GPR173: variants seen among roughly 807,000 people sequenced by gnomAD.
The protein encoded by GPR173 is G protein-coupled receptor 173.
A neutral mutation model predicts 13.9 loss-of-function variants in GPR173; 2 were observed. The observed-to-expected ratio is 0.14, with a 90% CI of 0.06 to 0.45. GPR173 has a LOEUF of 0.45. GPR173 is among the 20% of genes least tolerant of loss of function. GPR173 has a pLI of 0.98. For missense variants in GPR173, 202 were observed against 340.5 expected (o/e 0.59, Z 3.20); for synonymous variants, 131 against 141.0 (o/e 0.93, Z 0.50).
intron 1 of GPR173, among the ~76,000 whole-genome samples, chrX:53,061,319 A>G (rs1479395151): frequency 6.3e-5 from 7 of 111,512 alleles, no homozygotes; most frequent in Admixed American, 4.8e-4. Context: ...GGGTATCTAC[A>G]TGCATGCCTA....
At chrX:53,071,506 T>C (rs1237586039) in intron 1 of GPR173, among the ~76,000 whole-genome samples, 2 of 112,103 alleles carry the variant, frequency 1.8e-5, no homozygotes, top group Non-Finnish European at 3.8e-5. Context: ...AAATGGTGTT[T>C]ATCTGTGAAA....
At position 53,048,889 on chromosome X, in the gene GPR173, G is replaced by A. The variant is rs1931912149; in HGVS notation, c.-693G>A. ...TCCCCATCCCCGCCAGGCCCGGGGAGCGGGGTGAGCCTGGATGAGAGCCCC... is the reference window on the plus strand; with the variant it reads ...TCCCCATCCCCGCCAGGCCCGGGGAACGGGGTGAGCCTGGATGAGAGCCCC... On this transcript the variant is annotated 5_prime_UTR_variant, in exon 1 of 2. Transcript: ENST00000332582. Among the ~76,000 whole-genome samples, 1 of 111,041 alleles carries A rather than the reference G, an allele frequency of 9.0e-6. No individual in the cohort carries two copies.
rs782395362 is a variant in GPR173, at chrX:53,072,406, C to T, written c.-97-4119C>T. 5.8e-4 allele frequency among the ~76,000 whole-genome samples: 62 copies of T among 106,099 alleles called. 7 individuals carry two copies. In the East Asian group the frequency reaches 6.5e-3, roughly 11 times the overall value. 92.1% of individuals were successfully genotyped at this position (106,099 alleles called of 115,157 possible). On this transcript the variant is annotated intron_variant, in intron 1 of 1. Coordinates refer to ENST00000332582, the MANE Select transcript of GPR173 (RefSeq NM_018969.6). ...TTTCTCTCTCTTGCTCTCTCTCTCT[C>T]TCTCTCTCTCTATTTCTCTCCCTTC...
intron 1 of GPR173, among the ~76,000 whole-genome samples, chrX:53,074,049 TA>T (rs1932339048): frequency 2.3e-5 from 1 of 43,459 alleles, no homozygotes; most frequent in Non-Finnish European, 3.3e-5. Flanking sequence ...TAAATATAAA[TA>T]TATATTTATA....
At position 53,079,771 on chromosome X, in the gene GPR173, T is replaced by TAC. The variant is rs112790755; in HGVS notation, c.*2047_*2048dup. Reference sequence around the variant, plus strand: ...GGGACAGATACAGCACGTGCATGCATACACACACACACACACACACCACAG... The same window carrying TAC: ...GGGACAGATACAGCACGTGCATGCATACACACACACACACACACACACCACAG... On this transcript the variant is annotated 3_prime_UTR_variant, in exon 2 of 2. Transcript: ENST00000332582. The TAC allele has an allele frequency of 9.5e-3, 1,101 of 116,292 alleles. 9 individuals carry two copies. Among genetic ancestry groups the TAC allele is most frequent in the East Asian group, 0.074 (246 of 3,324 alleles). The allele number at this position is 116,292 out of a possible 1,213,427, so 9.6% of individuals were successfully genotyped here. A position where few individuals can be genotyped will look rare whatever the true frequency, so the allele number is the denominator to read the frequency against.
chrX:53,073,139 C>T (rs1220140255), intron 1 of GPR173, among the ~76,000 whole-genome samples: 1 of 108,347 alleles, frequency 9.2e-6, no homozygotes, highest in South Asian at 4.1e-4. Flanking sequence ...GCACAAGAAT[C>T]ACTTGAATCC....
intron 1 of GPR173, among the ~76,000 whole-genome samples, chrX:53,066,269 C>T (rs782426930): frequency 2.7e-5 from 3 of 111,747 alleles, no homozygotes; most frequent in African/African-American, 9.7e-5. Flanking sequence ...GTAAACATCA[C>T]CCAGGGAACC....
At chrX:53,071,489 A>AG (rs1488317957) in intron 1 of GPR173, among the ~76,000 whole-genome samples, 1 of 111,971 alleles carries the variant, frequency 8.9e-6, no homozygotes, top group African/African-American at 3.3e-5. Context: ...TAAAATCAAG[A>AG]GAAAAAAAAT....
At chrX:53,050,337 C>G (rs1042089710) in intron 1 of GPR173, among the ~76,000 whole-genome samples, 12 of 112,089 alleles carry the variant, frequency 1.1e-4, no homozygotes, top group African/African-American at 3.6e-4. Flanking sequence ...CCACAAGGCT[C>G]TCTGTCTCTG....
intron 1 of GPR173, among the ~76,000 whole-genome samples, chrX:53,072,404 C>G (rs1932272541): frequency 9.5e-6 from 1 of 105,638 alleles, no homozygotes; most frequent in South Asian, 4.4e-4. Flanking sequence ...CTCTCTCTCT[C>G]TCTCTCTCTC....
At chrX:53,071,314 G>C (rs1932254232) in intron 1 of GPR173, among the ~76,000 whole-genome samples, 1 of 111,882 alleles carries the variant, frequency 8.9e-6, no homozygotes, top group African/African-American at 3.3e-5. Context: ...TTTAGGAGAA[G>C]GGGAAACATC....
Position 53,069,305 on chromosome X carries a change from A to G in GPR173, c.-97-7220A>G, listed in dbSNP as rs189148763. 3.7e-3 allele frequency among the ~76,000 whole-genome samples: 404 copies of G among 110,580 alleles called. 1 individual carries two copies. Among genetic ancestry groups the G allele is most frequent in the African/African-American group, 0.013 (383 of 30,471 alleles). On this transcript the variant is annotated intron_variant, in intron 1 of 1. Coordinates refer to ENST00000332582, the MANE Select transcript of GPR173 (RefSeq NM_018969.6). ...AAAAAAAACAGAAAAGAAAACAAAAACAAACATTGTCCACATAGGTATAGG... is the reference window on the plus strand; with the variant it reads ...AAAAAAAACAGAAAAGAAAACAAAAGCAAACATTGTCCACATAGGTATAGG...
chrX:53,077,794 G>C lies in GPR173; in HGVS notation c.*51G>C, dbSNP rs1932462577. ...AGAGAAGGTCATGGCCACCGTGATGGGGCCAACAGCAAGGGAGGGGTAGGG... is the reference window on the plus strand; with the variant it reads ...AGAGAAGGTCATGGCCACCGTGATGCGGCCAACAGCAAGGGAGGGGTAGGG... On this transcript the variant is annotated 3_prime_UTR_variant, in exon 2 of 2. Transcript: ENST00000332582. 9.7e-7 allele frequency: 1 copy of C among 1,026,723 alleles called. No individual in the cohort carries two copies. The highest frequency in any genetic ancestry group is 1.3e-6 in the Non-Finnish European group (1 of 740,853). 84.6% of individuals were successfully genotyped at this position (1,026,723 alleles called of 1,213,427 possible). A position where few individuals can be genotyped will look rare whatever the true frequency, so the allele number is the denominator to read the frequency against.
chrX:53,077,426 A>G lies in GPR173; in HGVS notation c.805A>G (p.Ser269Gly), dbSNP rs1556806008. ...LGIRQNGHAA[S>G]RRLLGMDEVK... ...TATCCGGCAGAATGGGCATGCAGCCAGCCGGCGGCTACTGGGCATGGACGA... is the reference window on the plus strand; with the variant it reads ...TATCCGGCAGAATGGGCATGCAGCCGGCCGGCGGCTACTGGGCATGGACGA... Residue 269 changes from serine (S) to glycine (G), a missense_variant, in exon 2 of 2, where the codon AGC becomes GGC. This residue lies in a region of GPR173 where 76 missense variants were observed against 116.3 expected (regional missense o/e 0.65). Coordinates refer to ENST00000332582, the MANE Select transcript of GPR173 (RefSeq NM_018969.6). 1.7e-6 allele frequency: 2 copies of G among 1,207,782 alleles called. No individual in the cohort carries two copies. The highest frequency in any genetic ancestry group is 1.8e-5 in the South Asian group (1 of 56,324).
chrX:53,073,844 T>A (rs868932270), intron 1 of GPR173, among the ~76,000 whole-genome samples: 14 of 58,265 alleles, frequency 2.4e-4, no homozygotes, highest in Admixed American at 9.0e-4. Context: ...ATATATAATT[T>A]TATATATATA....
rs1556806498 is a variant in GPR173, at chrX:53,080,347, G to A, written c.*2604G>A. 8.2e-6 allele frequency: 1 copy of A among 121,863 alleles called. No individual in the cohort carries two copies. The highest frequency in any genetic ancestry group is 1.9e-5 in the Non-Finnish European group (1 of 52,929). 10.0% of individuals were successfully genotyped at this position (121,863 alleles called of 1,213,427 possible). ...GTTATTCTCTCAGGTGCACAGAATTGAGTTGACCATACTCCTCAGTTCTTG... is the reference window on the plus strand; with the variant it reads ...GTTATTCTCTCAGGTGCACAGAATTAAGTTGACCATACTCCTCAGTTCTTG... On this transcript the variant is annotated 3_prime_UTR_variant, in exon 2 of 2. Transcript: ENST00000332582.
intron 1 of GPR173, among the ~76,000 whole-genome samples, chrX:53,053,378 T>C (rs1556802924): frequency 8.8e-6 from 1 of 113,112 alleles, no homozygotes; most frequent in Non-Finnish European, 1.9e-5. Flanking sequence ...TTGGGTGTGA[T>C]ACAAAGTCTG....
rs1383525550 is a variant in GPR173 at position 53,078,846 on chromosome X, G to C, written c.*1103G>C. The C allele has an allele frequency of 8.1e-6, 1 of 123,337 alleles. No individual in the cohort carries two copies. The highest frequency in any genetic ancestry group is 3.7e-4 in the South Asian group (1 of 2,705). 10.2% of individuals were successfully genotyped at this position (123,337 alleles called of 1,213,427 possible). On this transcript the variant is annotated 3_prime_UTR_variant, in exon 2 of 2. Coordinates refer to ENST00000332582, the MANE Select transcript of GPR173 (RefSeq NM_018969.6). Reference sequence around the variant, plus strand: ...ACAAACTCCAAGGCACTGTGGACTTGAGTCCATTCCTATCTGACCTCTTTT... The same window carrying C: ...ACAAACTCCAAGGCACTGTGGACTTCAGTCCATTCCTATCTGACCTCTTTT...
At chrX:53,073,524 C>G (rs781880492) in intron 1 of GPR173, among the ~76,000 whole-genome samples, 4 of 109,640 alleles carry the variant, frequency 3.6e-5, no homozygotes, top group South Asian at 3.8e-4. Flanking sequence ...AGATGTACCC[C>G]CCAGGCTGCT....
Sources: allele counts gnomAD v4.1 joint callset (sites outside exome capture counted in the v4.1 genomes callset), GRCh38; gene constraint gnomAD v4.1.1; regional missense constraint gnomAD v4.1.1; transcripts MANE v1.5; gene names NCBI Gene and HGNC (gene_info 2026-07-23, HGNC 2026-07-21).